CACNA1G: variants seen among roughly 807,000 people sequenced by gnomAD.
CACNA1G encodes the protein calcium voltage-gated channel subunit alpha1 G.
In CACNA1G, 67 loss-of-function variants were observed where a neutral mutation model predicts 219.4. The ratio of observed to expected loss-of-function variants is 0.31; its 90% CI spans 0.25 to 0.37. CACNA1G has a LOEUF of 0.37. Among genes scored for constraint, CACNA1G ranks in the 10% least tolerant of loss-of-function variants. The pLI, the probability that CACNA1G is intolerant of heterozygous loss-of-function variation, is 1.00. For missense variants in CACNA1G, 2,380 were observed against 3,231.4 expected, an observed-to-expected ratio of 0.74 and a Z score of 6.39; for synonymous variants, 1,296 against 1,345.3, an observed-to-expected ratio of 0.96 and a Z score of 0.80.
In CACNA1G at chr17:50,561,288, C is replaced by A. The variant is rs112692320; in HGVS notation, c.-172C>A. ...GCCCCGGCGCCCCGCGGGCAGCATG[C>A]CCCTGCGGGCAGGGGGAGCTGGGCT... On this transcript the variant is annotated 5_prime_UTR_variant, in exon 1 of 38. Transcript: ENST00000359106. The A allele has an allele frequency of 7.2e-6, 5 of 693,470 alleles. No individual in the cohort carries two copies. Among genetic ancestry groups the A allele is most frequent in the Admixed American group, 6.4e-5 (2 of 31,316 alleles). 43.0% of individuals were successfully genotyped at this position (693,470 alleles called of 1,614,324 possible).
intron 7 of CACNA1G, 27 bp downstream of exon 7, chr17:50,573,140 G>A (rs1048762217): frequency 7.9e-6 from 12 of 1,515,906 alleles, no homozygotes; most frequent in Non-Finnish European, 1.1e-5. Context: ...ATCCCCGTGG[G>A]GATGGGCGAT....
chr17:50,603,714 A>T lies in CACNA1G; in HGVS notation c.4170-441A>T, dbSNP rs1408314809. Among the ~76,000 whole-genome samples the T allele has an allele frequency of 1.2e-4, 17 of 142,538 alleles. No homozygotes were observed. Among genetic ancestry groups the T allele is most frequent in the African/African-American group, 4.1e-4 (16 of 38,594 alleles). The allele number at this position is 142,538 out of a possible 152,430, so 93.5% of individuals were successfully genotyped here. A position where few individuals can be genotyped will look rare whatever the true frequency, so the allele number is the denominator to read the frequency against. On this transcript the variant is annotated intron_variant, in intron 21 of 37. Transcript: ENST00000359106. The surrounding 1 kb of genome is among the most constrained non-coding windows in gnomAD (Gnocchi z 6.4). ...CAGCCAGTCACCACCCCCAACTCAG[A>T]TTTTTTTTTTTTAATAGGGATGATG...
chr17:50,609,815 C>A, intron 25 of CACNA1G, 67 bp from the exon 26 acceptor site: 1 of 1,474,840 alleles, frequency 6.8e-7, no homozygotes, highest in Admixed American at 1.7e-5. Flanking sequence ...GGGGAAGCCG[C>A]CCCTGAGGGG....
chr17:50,624,265 G>A, intron 36 of CACNA1G, 95 bp from the exon 37 acceptor site: 1 of 1,260,264 alleles, frequency 7.9e-7, no homozygotes. Context: ...GAGGGGGAGA[G>A]AGTGGAAGGG....
intron 22 of CACNA1G, 22 bp downstream of exon 22, chr17:50,604,303 A>C: frequency 6.2e-7 from 1 of 1,610,866 alleles, no homozygotes; most frequent in South Asian, 1.1e-5. Flanking sequence ...TCTGGGGGCC[A>C]GCTGTGGGTG....
chr17:50,610,076 C>A, intron 26 of CACNA1G, 141 bp downstream of exon 26: 1 of 762,426 alleles, frequency 1.3e-6, no homozygotes, highest in Non-Finnish European at 2.2e-6. Flanking sequence ...AAGCGCTGGG[C>A]TCTGCAGCAT....
intron 13 of CACNA1G, among the ~76,000 whole-genome samples, chr17:50,592,479 T>C (rs903433883): frequency 6.6e-6 from 1 of 152,140 alleles, no homozygotes; most frequent in Non-Finnish European, 1.5e-5. Flanking sequence ...TGCAGGAGGC[T>C]TGTGTGCAAG....
intron 14 of CACNA1G, 95 bp downstream of exon 14, chr17:50,595,156 G>A (rs1052653331): frequency 7.7e-6 from 7 of 904,102 alleles, no homozygotes; most frequent in Middle Eastern, 2.6e-4. Context: ...TTCACGCTCC[G>A]CTGCTGTGCA....
chr17:50,566,796 A>G (rs2038002117), intron 1 of CACNA1G, among the ~76,000 whole-genome samples: 1 of 152,200 alleles, frequency 6.6e-6, no homozygotes, highest in South Asian at 2.1e-4. Context: ...GGGGATCTAA[A>G]GACGTATCAG....
In CACNA1G at chr17:50,560,988, C is replaced by G. The variant is rs571252731; in HGVS notation, c.-472C>G. 2 of 252,616 alleles carry G rather than the reference C, an allele frequency of 7.9e-6. No homozygotes were observed. The highest frequency in any genetic ancestry group is 1.5e-5 in the Non-Finnish European group (2 of 129,242). 15.6% of individuals were successfully genotyped at this position (252,616 alleles called of 1,614,324 possible). ...CCTCCTCCCCTCCCCCGCCGCCTGG[C>G]GCGGAGCCGGGACGATGCTGACCCC... On this transcript the variant is annotated 5_prime_UTR_variant, in exon 1 of 38. Transcript: ENST00000359106.
intron 5 of CACNA1G, 54 bp downstream of exon 5, chr17:50,572,091 A>AC (rs896791789): frequency 2.5e-5 from 39 of 1,560,354 alleles, no homozygotes; most frequent in Admixed American, 1.8e-5. Context: ...GGGGCTGGGC[A>AC]CCCCCCCAAG....
chr17:50,561,106 C>A lies in CACNA1G; in HGVS notation c.-354C>A. The A allele has an allele frequency of 2.2e-6, 1 of 448,582 alleles. No individual in the cohort carries two copies. Among genetic ancestry groups the A allele is most frequent in the South Asian group, 1.7e-5 (1 of 59,736 alleles). 27.8% of individuals were successfully genotyped at this position (448,582 alleles called of 1,614,324 possible). A position where few individuals can be genotyped will look rare whatever the true frequency, so the allele number is the denominator to read the frequency against. On this transcript the variant is annotated 5_prime_UTR_variant, in exon 1 of 38. Coordinates refer to ENST00000359106, the MANE Select transcript of CACNA1G (RefSeq NM_018896.5). ...CTGCCCCCCTTTTCGTTCGCCCTCT[C>A]GGGGCGGCTTCGCCGAAGGTAGCGC...
intron 3 of CACNA1G, among the ~76,000 whole-genome samples, 155 bp from the exon 4 acceptor site, chr17:50,569,551 C>T (rs193236253): frequency 2.1e-4 from 32 of 152,114 alleles, no homozygotes; most frequent in Admixed American, 2.1e-3. Context: ...CCTTGCCCCC[C>T]AGACAGAGAG....
At chr17:50,566,888 A>G (rs2038029193) in intron 1 of CACNA1G, among the ~76,000 whole-genome samples, 1 of 152,214 alleles carries the variant, frequency 6.6e-6, no homozygotes, top group Admixed American at 6.5e-5. Flanking sequence ...GAACTCTGCC[A>G]TTAGAGGGGT....
rs1050169440 is a variant in CACNA1G at position 50,616,268 on chromosome 17, C to T, written c.4912-7C>T. On this transcript the variant is annotated splice_region_variant and splice_polypyrimidine_tract_variant and intron_variant, in intron 27 of 37. Coordinates refer to ENST00000359106, the MANE Select transcript of CACNA1G (RefSeq NM_018896.5). ...GGGACCCTGCATCTTGCCCCCATCC[C>T]TGCCAGATTCTGGATGAGGCTCTGA... 6 of 1,585,386 alleles carry T rather than the reference C, an allele frequency of 3.8e-6. No homozygotes were observed. Among genetic ancestry groups the T allele is most frequent in the South Asian group, 1.1e-5 (1 of 90,464 alleles).
chr17:50,617,891 C>T lies in CACNA1G; in HGVS notation c.5188C>T (p.Arg1730Trp), dbSNP rs773699484. Residue 1730 changes from arginine to tryptophan, a missense_variant, in exon 30 of 38, where the codon CGG becomes TGG. This residue lies in a region of CACNA1G where 123 missense variants were observed against 258.4 expected (regional missense o/e 0.48). Coordinates refer to ENST00000359106, the MANE Select transcript of CACNA1G (RefSeq NM_018896.5). This position sits in a 1 kb window ranked among gnomAD's most constrained non-coding sequence, Gnocchi z 5.8. ...LKLLKMAVGM[R>W]ALLDTVMQAL... ...GCTGCTGAAGATGGCTGTGGGCATG[C>T]GGGCGCTGCTGGACACGGTGATGCA... The T allele has an allele frequency of 1.2e-6, 2 of 1,613,570 alleles. No individual in the cohort carries two copies. The highest frequency in any genetic ancestry group is 1.7e-6 in the Non-Finnish European group (2 of 1,179,868).
chr17:50,603,117 G>T lies in CACNA1G; in HGVS notation c.4087G>T (p.Val1363Leu). ...GCTCATCTCCGTCATCGACATTCTGGTGTCCATGGTCTCTGACAGCGGCAC... is the reference window on the plus strand; with the variant it reads ...GCTCATCTCCGTCATCGACATTCTGTTGTCCATGGTCTCTGACAGCGGCAC... ...LVLISVIDIL[V>L]SMVSDSGTKI... Residue 1363 changes from valine to leucine, a missense_variant, in exon 21 of 38, where the codon GTG (valine) becomes TTG (leucine). By Grantham distance (32) the Val-to-Leu change is conservative. This residue lies in a region of CACNA1G where 153 missense variants were observed against 374.9 expected (regional missense o/e 0.41). Transcript: ENST00000359106. This position sits in a 1 kb window ranked among gnomAD's most constrained non-coding sequence, Gnocchi z 6.4. The T allele has an allele frequency of 1.9e-6, 3 of 1,613,242 alleles. No individual in the cohort carries two copies. The highest frequency in any genetic ancestry group is 2.5e-6 in the Non-Finnish European group (3 of 1,179,756).
At chr17:50,577,125 G>A (rs1051787183) in intron 8 of CACNA1G, among the ~76,000 whole-genome samples, 5 of 152,208 alleles carry the variant, frequency 3.3e-5, no homozygotes, top group Non-Finnish European at 5.9e-5. Flanking sequence ...CAGAGCGAAA[G>A]GTTTCTATGC....
chr17:50,582,298 C>T (rs1180920999), intron 9 of CACNA1G, among the ~76,000 whole-genome samples: 1 of 152,144 alleles, frequency 6.6e-6, no homozygotes, highest in Non-Finnish European at 1.5e-5. Flanking sequence ...AAGGGCAGGG[C>T]ACAGTATGAG....
Sources: gnomAD v4.1 joint callset for allele counts (sites outside exome capture counted in the v4.1 genomes callset) on GRCh38, gnomAD v4.1.1 for gene constraint, gnomAD v4.1.1 regional missense constraint, Gnocchi (gnomAD v3.1) non-coding constraint, MANE v1.5 for transcripts, NCBI Gene and HGNC (gene_info 2026-07-23, HGNC 2026-07-21) for gene names.